Variants in REEP1 observed in about 807,000 individuals in gnomAD.
The protein encoded by REEP1 is receptor accessory protein 1.
In REEP1, 22 loss-of-function variants were observed where a neutral mutation model predicts 40.3. That is an observed-to-expected ratio of 0.55 (90% CI 0.39 to 0.78). REEP1 has a LOEUF of 0.78. REEP1 is among the 30% of genes least tolerant of loss of function. REEP1 has a pLI of 0.00. For missense variants in REEP1, 280 were observed against 361.1 expected (o/e 0.78, Z 1.82); for synonymous variants, 116 against 139.2 (o/e 0.83, Z 1.17).
intron 5 of REEP1, among the ~76,000 whole-genome samples, chr2:86,249,744 G>C (rs1202732620): frequency 6.6e-6 from 1 of 152,116 alleles, no homozygotes; most frequent in Non-Finnish European, 1.5e-5. Flanking sequence ...GGAAACCACT[G>C]ATGTACACCT....
Position 86,241,935 on chromosome 2 carries a change from A to G in REEP1, c.418-9133T>C, listed in dbSNP as rs115850162. Among the ~76,000 whole-genome samples the G allele has an allele frequency of 4.2e-3, 645 of 152,282 alleles. 4 individuals are homozygous for G. Among genetic ancestry groups the G allele is most frequent in the African/African-American group, 0.014 (593 of 41,566 alleles). ...CGTGGCTTGCGCAGGAAGACACAGCACATGCGAGGTGGGCCAGGACAAGGC... is the reference window on the plus strand; with the variant it reads ...CGTGGCTTGCGCAGGAAGACACAGCGCATGCGAGGTGGGCCAGGACAAGGC... On this transcript the variant is annotated intron_variant, in intron 5 of 8. Coordinates refer to ENST00000538924, the MANE Select transcript of REEP1 (RefSeq NM_001371279.1).
At chr2:86,291,907 G>A (rs756402610) in intron 1 of REEP1, among the ~76,000 whole-genome samples, 2 of 152,196 alleles carry the variant, frequency 1.3e-5, no homozygotes, top group Non-Finnish European at 2.9e-5. Flanking sequence ...ATGCAAGCAG[G>A]AACAAACATT....
intron 2 of REEP1, among the ~76,000 whole-genome samples, chr2:86,267,010 GGA>G (rs200596101): frequency 2.7e-5 from 4 of 146,842 alleles, no homozygotes; most frequent in South Asian, 2.1e-4. Context: ...CTGTCTCAGG[GGA>G]AAAAAAAAAC....
chr2:86,270,227 G>T (rs1008729272), intron 2 of REEP1, among the ~76,000 whole-genome samples: 1 of 151,920 alleles, frequency 6.6e-6, no homozygotes, highest in African/African-American at 2.4e-5. Flanking sequence ...ATGGAGTTTT[G>T]CTCTTGTTGC....
intron 5 of REEP1, among the ~76,000 whole-genome samples, chr2:86,238,662 C>T (rs956085919): frequency 1.3e-5 from 2 of 152,124 alleles, no homozygotes; most frequent in Admixed American, 6.5e-5. Flanking sequence ...GATGTGTCTG[C>T]AAGGAGCGTA....
At chr2:86,219,007 A>T (rs1192509090) in intron 8 of REEP1, among the ~76,000 whole-genome samples, 1 of 152,116 alleles carries the variant, frequency 6.6e-6, no homozygotes, top group African/African-American at 2.4e-5. Flanking sequence ...GGAAGCAGAG[A>T]GAAAGACTGG....
rs548374465 is a variant in REEP1 at position 86,304,278 on chromosome 2, A to G, written c.33-22036T>C. ...CCAAGCCCTCGATTTCACAGTGAAG[A>G]AAGATGAATGTATCCAAATTTGTCA... On this transcript the variant is annotated intron_variant, in intron 1 of 8. Coordinates refer to ENST00000538924, the MANE Select transcript of REEP1 (RefSeq NM_001371279.1). 1.8e-4 allele frequency among the ~76,000 whole-genome samples: 27 copies of G among 152,306 alleles called. No homozygotes were observed. In the East Asian group the frequency reaches 5.0e-3, roughly 28 times the overall value.
intron 5 of REEP1, among the ~76,000 whole-genome samples, chr2:86,239,208 C>CAAAAAA (rs35714309): frequency 8.4e-4 from 49 of 58,314 alleles, no homozygotes; most frequent in African/African-American, 1.8e-3. Context: ...CCATCTAGAC[C>CAAAAAA]AAAAAAAAAA....
chr2:86,315,901 G>T (rs866769142), intron 1 of REEP1, among the ~76,000 whole-genome samples: 1 of 152,170 alleles, frequency 6.6e-6, no homozygotes, highest in East Asian at 1.9e-4. Context: ...AGAGCTAAAG[G>T]CTTGCTAGGG....
chr2:86,234,381 G>C (rs1045456224), intron 5 of REEP1, among the ~76,000 whole-genome samples: 3 of 152,080 alleles, frequency 2.0e-5, no homozygotes, highest in African/African-American at 7.2e-5. Context: ...AGCTGGGCAT[G>C]GTGGTATATG....
At chr2:86,297,304 C>T (rs1413031428) in intron 1 of REEP1, among the ~76,000 whole-genome samples, 3 of 152,266 alleles carry the variant, frequency 2.0e-5, no homozygotes, top group Non-Finnish European at 4.4e-5. Flanking sequence ...ATACCACTTA[C>T]TAGACATGGG....
chr2:86,227,045 A>G (rs1433863178), intron 7 of REEP1, among the ~76,000 whole-genome samples: 1 of 152,180 alleles, frequency 6.6e-6, no homozygotes, highest in Non-Finnish European at 1.5e-5. Context: ...AGGCCCAGCC[A>G]ACAGCCATAA....
intron 1 of REEP1, among the ~76,000 whole-genome samples, chr2:86,288,297 C>G (rs543280031): frequency 1.3e-5 from 2 of 152,318 alleles, no homozygotes; most frequent in South Asian, 4.2e-4. Flanking sequence ...GCTAGGATTA[C>G]AGGCGTGAGC....
At position 86,289,434 on chromosome 2, in the gene REEP1, CT is replaced by C. The variant is rs1454947538; in HGVS notation, c.33-7193del. ...ATAACCATAATATTAACAACCATGACTTTATAATGAATCCTGATATTCTTAA... is the reference window on the plus strand; with the variant it reads ...ATAACCATAATATTAACAACCATGACTTATAATGAATCCTGATATTCTTAA... On this transcript the variant is annotated intron_variant, in intron 1 of 8. Coordinates refer to ENST00000538924, the MANE Select transcript of REEP1 (RefSeq NM_001371279.1). 5.8e-4 allele frequency among the ~76,000 whole-genome samples: 88 copies of C among 152,096 alleles called. 1 individual carries two copies. Among genetic ancestry groups the C allele is most frequent in the Non-Finnish European group, 2.9e-5 (2 of 68,028 alleles).
rs1265333166 is a variant in REEP1 at position 86,214,604 on chromosome 2, AC to A, written c.*2434del. ...ACACCACACCACTACATGTACACTT[AC>A]AGGCTTTCACATTTTATGTCAGTTC... On this transcript the variant is annotated 3_prime_UTR_variant, in exon 9 of 9. Coordinates refer to ENST00000538924, the MANE Select transcript of REEP1 (RefSeq NM_001371279.1). 1 of 152,646 alleles carries A rather than the reference AC, an allele frequency of 6.6e-6. No homozygotes were observed. Among genetic ancestry groups the A allele is most frequent in the Admixed American group, 6.5e-5 (1 of 15,280 alleles). The allele number at this position is 152,646 out of a possible 1,614,324, so 9.5% of individuals were successfully genotyped here.
At chr2:86,253,911 T>A (rs971468937) in intron 4 of REEP1, among the ~76,000 whole-genome samples, 11 of 152,242 alleles carry the variant, frequency 7.2e-5, no homozygotes, top group Non-Finnish European at 1.6e-4. Context: ...AATGATACAA[T>A]GTTGGAATCG....
chr2:86,307,623 T>G (rs1027145322), intron 1 of REEP1, among the ~76,000 whole-genome samples: 1 of 151,848 alleles, frequency 6.6e-6, no homozygotes, highest in African/African-American at 2.4e-5. Flanking sequence ...CAGCTGGGCG[T>G]GGTGGCACAT....
chr2:86,282,345 G>A, intron 1 of REEP1, 103 bp from the exon 2 acceptor site: 1 of 898,352 alleles, frequency 1.1e-6, no homozygotes, highest in Non-Finnish European at 1.8e-6. Context: ...GCTACAGAAA[G>A]TGCTGCTGTG....
intron 1 of REEP1, among the ~76,000 whole-genome samples, chr2:86,315,240 G>A (rs1009430622): frequency 5.9e-5 from 9 of 152,166 alleles, no homozygotes; most frequent in South Asian, 2.1e-4. Context: ...GCACAGTCCC[G>A]TAGCCAAGGT....
Sources: allele counts gnomAD v4.1 joint callset (sites outside exome capture counted in the v4.1 genomes callset), GRCh38; gene constraint gnomAD v4.1.1; transcripts MANE v1.5; gene names NCBI Gene and HGNC (gene_info 2026-07-23, HGNC 2026-07-21).